Variants in LHPP observed in about 807,000 individuals in gnomAD.
LHPP encodes phospholysine phosphohistidine inorganic pyrophosphate phosphatase.
A neutral mutation model predicts 30.3 loss-of-function variants in LHPP; 24 were observed. The ratio of observed to expected loss-of-function variants is 0.79; its 90% confidence interval spans 0.57 to 1.11. The LOEUF is 1.11. LHPP is among the 50% of genes most tolerant of loss of function. The pLI is 0.00. For missense variants in LHPP, 356 were observed against 367.2 expected (o/e 0.97, Z 0.25); for synonymous variants, 150 against 157.1 (o/e 0.95, Z 0.34).
chr10:124,536,362 C>T (rs765593597), intron 6 of LHPP, among the ~76,000 whole-genome samples: 1 of 152,214 alleles, frequency 6.6e-6, no homozygotes, highest in Non-Finnish European at 1.5e-5. Flanking sequence ...CGGTAGTGTT[C>T]CCGCATGCAG....
chr10:124,507,772 G>C (rs557705282), intron 5 of LHPP, among the ~76,000 whole-genome samples: 2 of 46,212 alleles, frequency 4.3e-5, no homozygotes, highest in Admixed American at 1.9e-4. Context: ...GATTTCAGGT[G>C]GGGGGATAGG....
chr10:124,539,754 TAGTC>T (rs890282276), intron 6 of LHPP, among the ~76,000 whole-genome samples: 23 of 53,000 alleles, frequency 4.3e-4, no homozygotes, highest in African/African-American at 1.5e-3. Context: ...AAAAAAAAAT[TAGTC>T]AGGCATGGTG....
In LHPP at chr10:124,496,113, A is replaced by G. The variant is rs1953701164; in HGVS notation, c.468-848A>G. Among the ~76,000 whole-genome samples the G allele has an allele frequency of 6.6e-6, 1 of 151,976 alleles. No homozygotes were observed. The highest frequency in any genetic ancestry group is 1.5e-5 in the Non-Finnish European group (1 of 68,006). ...GCAAAACATTTTAGTGGTTCCAAGA[A>G]TCAAGCCCCCTTGTGTATTCTTGGC... On this transcript the variant is annotated intron_variant, in intron 3 of 6. Transcript: ENST00000368842. This position sits in a 1 kb window ranked among gnomAD's most constrained non-coding sequence, Gnocchi z 4.3.
chr10:124,613,193 C>A, intron 6 of LHPP, 71 bp from the exon 7 acceptor site: 1 of 1,173,062 alleles, frequency 8.5e-7, no homozygotes, highest in Non-Finnish European at 1.3e-6. Context: ...ATGTTAGATG[C>A]TGGGAGGGTG....
At chr10:124,585,195 AT>A (rs1948788469) in intron 6 of LHPP, among the ~76,000 whole-genome samples, 1 of 152,232 alleles carries the variant, frequency 6.6e-6, no homozygotes, top group African/African-American at 2.4e-5. Flanking sequence ...AATACAAACA[AT>A]ATAAGCTAAA....
chr10:124,606,600 G>A (rs1949096265), intron 6 of LHPP, among the ~76,000 whole-genome samples: 1 of 152,264 alleles, frequency 6.6e-6, no homozygotes, highest in Non-Finnish European at 1.5e-5. Flanking sequence ...GGCCCCCAGA[G>A]CCAAGCCCTA....
chr10:124,502,083 A>G (rs901728282), intron 5 of LHPP, among the ~76,000 whole-genome samples: 1 of 152,004 alleles, frequency 6.6e-6, no homozygotes, highest in East Asian at 1.9e-4. Flanking sequence ...TGACACTCAC[A>G]AAAAGTTGCA....
Position 124,547,668 on chromosome 10 carries a change from G to A in LHPP, c.716+30397G>A, listed in dbSNP as rs1043006706. On this transcript the variant is annotated intron_variant, in intron 6 of 6. Coordinates refer to ENST00000368842, the MANE Select transcript of LHPP (RefSeq NM_022126.4). ...GAATTCTGGCTGCCTGGTGGAGGTC[G>A]GGGCTGGCCCTGCACCGCCAGGAGA... 7.2e-5 allele frequency among the ~76,000 whole-genome samples: 11 copies of A among 152,258 alleles called. No homozygotes were observed. In the East Asian group the frequency reaches 1.2e-3, roughly 16 times the overall value.
intron 6 of LHPP, among the ~76,000 whole-genome samples, chr10:124,607,865 G>A (rs990420195): frequency 2.6e-5 from 4 of 152,206 alleles, no homozygotes; most frequent in Non-Finnish European, 2.9e-5. Context: ...CTCAGCCCCC[G>A]ACTCCTTGTA....
intron 6 of LHPP, among the ~76,000 whole-genome samples, chr10:124,532,065 A>C (rs1336229846): frequency 1.3e-5 from 2 of 152,250 alleles, no homozygotes; most frequent in African/African-American, 2.4e-5. Flanking sequence ...TGGGATATTC[A>C]GATGGTCCCC....
intron 5 of LHPP, among the ~76,000 whole-genome samples, chr10:124,505,145 G>A (rs543580268): frequency 2.0e-5 from 3 of 152,056 alleles, no homozygotes; most frequent in Non-Finnish European, 4.4e-5. Flanking sequence ...TGCATGTTCC[G>A]AACGTCCCCA....
intron 6 of LHPP, among the ~76,000 whole-genome samples, chr10:124,559,005 G>A (rs529513888): frequency 6.6e-6 from 1 of 152,260 alleles, no homozygotes; most frequent in East Asian, 1.9e-4. Flanking sequence ...CTGCACCCGG[G>A]ACAGCCCCAG....
intron 6 of LHPP, among the ~76,000 whole-genome samples, chr10:124,604,378 T>C (rs1165535500): frequency 6.6e-6 from 1 of 152,170 alleles, no homozygotes; most frequent in South Asian, 2.1e-4. Flanking sequence ...CAAGCTGCTG[T>C]CCTGAGGGTG....
intron 6 of LHPP, chr10:124,612,943 C>G (rs906500865): frequency 2.0e-5 from 8 of 407,096 alleles, no homozygotes; most frequent in Admixed American, 1.5e-4. Flanking sequence ...ATGTCCCCAC[C>G]ATCCAAGGTG....
intron 6 of LHPP, among the ~76,000 whole-genome samples, chr10:124,602,341 ACAG>A (rs1163289754): frequency 6.6e-6 from 1 of 152,194 alleles, no homozygotes; most frequent in African/African-American, 2.4e-5. Context: ...GACGCCACCC[ACAG>A]CTGGCTTACT....
At chr10:124,598,636 TCCA>T (rs1948982875) in intron 6 of LHPP, among the ~76,000 whole-genome samples, 1 of 24,368 alleles carries the variant, frequency 4.1e-5, no homozygotes, top group Non-Finnish European at 9.3e-5. Flanking sequence ...CATCCGTCCG[TCCA>T]TCCATCCATC....
chr10:124,549,250 A>G (rs759117306), intron 6 of LHPP, among the ~76,000 whole-genome samples: 5 of 152,178 alleles, frequency 3.3e-5, no homozygotes, highest in Non-Finnish European at 7.3e-5. Context: ...AGCCTGGGCA[A>G]CATAGTGAGA....
chr10:124,505,755 A>C (rs1451945967), intron 5 of LHPP, among the ~76,000 whole-genome samples: 2 of 152,248 alleles, frequency 1.3e-5, no homozygotes, highest in Non-Finnish European at 2.9e-5. Context: ...GCAGTTCTCC[A>C]TCATCATAAG....
chr10:124,575,747 C>T (rs1290745968), intron 6 of LHPP, among the ~76,000 whole-genome samples: 2 of 152,114 alleles, frequency 1.3e-5, no homozygotes, highest in African/African-American at 2.4e-5. Context: ...GTCACGTGGT[C>T]GGATCTGTGT....
Sources: allele counts gnomAD v4.1 joint callset (sites outside exome capture counted in the v4.1 genomes callset), GRCh38; gene constraint gnomAD v4.1.1; non-coding constraint Gnocchi (gnomAD v3.1); transcripts MANE v1.5; gene names NCBI Gene and HGNC (gene_info 2026-07-23, HGNC 2026-07-21).